The following FREM2 variants were observed in gnomAD, a reference collection of about 807,000 sequenced individuals.
FREM2 encodes FRAS1 related extracellular matrix 2.
Under a neutral mutation model 219.9 loss-of-function variants are expected in FREM2, and 119 were observed. The observed-to-expected ratio is 0.54, with a 90% CI of 0.47 to 0.63. The LOEUF is 0.63. Among genes scored for constraint, FREM2 ranks in the 30% least tolerant of loss-of-function variants. The pLI is 0.00. For synonymous variants in FREM2, 1,562 were observed against 1,522.8 expected (o/e 1.03, Z -0.60); for missense variants, 4,030 against 3,993.6 (o/e 1.01, Z -0.25).
At chr13:38,757,755 T>C (rs1006978764) in intron 2 of FREM2, among the ~76,000 whole-genome samples, 2 of 152,088 alleles carry the variant, frequency 1.3e-5, no homozygotes, top group African/African-American at 4.8e-5. Flanking sequence ...CAAGCCCAGC[T>C]AACTTTTGTA....
rs774882411 is a variant in FREM2, at chr13:38,825,767, C to T, written c.6020-20806C>T. On this transcript the variant is annotated intron_variant, in intron 6 of 23. Transcript: ENST00000280481. ...AGGCTCCTCTCTGAGCTACCTTTTA[C>T]CCCCATCACTCACAGGCTCTGCCAT... is the stretch of plus-strand genomic sequence containing the variant. Among the ~76,000 whole-genome samples, 71 of 152,086 alleles carry T rather than the reference C, an allele frequency of 4.7e-4. 1 individual carries two copies. The highest frequency in any genetic ancestry group is 9.3e-4 in the Non-Finnish European group (63 of 67,996).
At chr13:38,876,641 G>A (rs547070393) in intron 20 of FREM2, among the ~76,000 whole-genome samples, 64 of 152,226 alleles carry the variant, frequency 4.2e-4, no homozygotes, top group African/African-American at 1.5e-3. Flanking sequence ...CTTATCTTGT[G>A]TCCTCCTGAA....
intron 1 of FREM2, among the ~76,000 whole-genome samples, chr13:38,695,906 T>A (rs1400474315): frequency 6.6e-6 from 1 of 152,012 alleles, no homozygotes; most frequent in East Asian, 1.9e-4. Context: ...CTGTGGGAAG[T>A]TAAGATAGGA....
intron 4 of FREM2, among the ~76,000 whole-genome samples, chr13:38,774,139 CG>C (rs1485217322): frequency 6.6e-6 from 1 of 151,990 alleles, no homozygotes; most frequent in East Asian, 1.9e-4. Flanking sequence ...ATCACTGTGA[CG>C]TTGTTTTACT....
chr13:38,723,079 A>T (rs1315894605), intron 2 of FREM2, among the ~76,000 whole-genome samples: 6 of 143,682 alleles, frequency 4.2e-5, no homozygotes, highest in Non-Finnish European at 8.8e-5. Flanking sequence ...AAAAACAAAT[A>T]CAAAAATTAG....
intron 3 of FREM2, among the ~76,000 whole-genome samples, chr13:38,765,158 C>A (rs1873386539): frequency 6.6e-6 from 1 of 152,176 alleles, no homozygotes; most frequent in African/African-American, 2.4e-5. Flanking sequence ...AATCTGCCCA[C>A]CTCGGCCTCC....
In FREM2 at chr13:38,885,035, T is replaced by C. The variant is rs1322330075; in HGVS notation, c.*4248T>C. On this transcript the variant is annotated 3_prime_UTR_variant, in exon 24 of 24. Coordinates refer to ENST00000280481, the MANE Select transcript of FREM2 (RefSeq NM_207361.6). Reference sequence around the variant, plus strand: ...TTAATTGTTAAGGAAACATTATATATAGGTTCAAATTATCCCTTAATGTTG... The same window carrying C: ...TTAATTGTTAAGGAAACATTATATACAGGTTCAAATTATCCCTTAATGTTG... 6.6e-6 allele frequency: 1 copy of C among 152,202 alleles called. No homozygotes were observed. Among genetic ancestry groups the C allele is most frequent in the Non-Finnish European group, 1.5e-5 (1 of 68,020 alleles). The allele number at this position is 152,202 out of a possible 1,614,324, so 9.4% of individuals were successfully genotyped here. A position where few individuals can be genotyped will look rare whatever the true frequency, so the allele number is the denominator to read the frequency against.
chr13:38,772,842 G>A (rs903690789), intron 4 of FREM2, among the ~76,000 whole-genome samples: 5 of 151,800 alleles, frequency 3.3e-5, no homozygotes, highest in African/African-American at 7.3e-5. Context: ...GATTACGGGC[G>A]GTTGCCACCA....
intron 16 of FREM2, among the ~76,000 whole-genome samples, chr13:38,866,928 C>T (rs986824184): frequency 1.3e-5 from 2 of 152,288 alleles, no homozygotes; most frequent in East Asian, 3.9e-4. Context: ...GCAAAGCCTG[C>T]CCTCTACTGT....
intron 7 of FREM2, 36 bp downstream of exon 7, chr13:38,846,758 T>G (rs1235641021): frequency 6.2e-7 from 1 of 1,611,634 alleles, no homozygotes; most frequent in Non-Finnish European, 8.5e-7. Flanking sequence ...TTGATTGTTC[T>G]GCAATTTTCA....
At chr13:38,865,731 T>G (rs1369547934) in intron 16 of FREM2, among the ~76,000 whole-genome samples, 1 of 152,176 alleles carries the variant, frequency 6.6e-6, no homozygotes, top group Non-Finnish European at 1.5e-5. Flanking sequence ...TTTAGTAACT[T>G]ACAGGGATTG....
intron 6 of FREM2, among the ~76,000 whole-genome samples, chr13:38,799,304 A>C (rs908802204): frequency 2.0e-5 from 3 of 151,542 alleles, no homozygotes; most frequent in Admixed American, 2.0e-4. Context: ...TTCTAGTTTT[A>C]TTCCATTATG....
chr13:38,822,993 C>CT (rs1253548626), intron 6 of FREM2, among the ~76,000 whole-genome samples: 1 of 152,076 alleles, frequency 6.6e-6, no homozygotes, highest in African/African-American at 2.4e-5. Flanking sequence ...TCTTACCAGA[C>CT]TTAATGTCTT....
chr13:38,816,055 G>T (rs545308316), intron 6 of FREM2, among the ~76,000 whole-genome samples: 1 of 152,116 alleles, frequency 6.6e-6, no homozygotes, highest in African/African-American at 2.4e-5. Context: ...ATCTGAGCAG[G>T]TCAGTAATGA....
In FREM2 at chr13:38,691,440, C is replaced by A. The variant is rs1231443494; in HGVS notation, c.4096C>A (p.Leu1366Met). Residue 1366 changes from leucine (L) to methionine (M), a missense_variant, in exon 1 of 24, where the codon CTG becomes ATG. Leu to Met is a conservative substitution (Grantham distance 15, BLOSUM62 2). Around this residue, in one of 2 missense-constraint regions of FREM2, gnomAD observed 3,102 missense variants for 2,950.7 expected, o/e 1.05. Transcript: ENST00000280481. ...KPTGAFENIT[L>M]GMNFTQDEVD... ...TACTGGTGCCTTTGAAAATATCACA[C>A]TGGGCATGAATTTTACCCAGGATGA... 1 of 1,614,150 alleles carries A rather than the reference C, an allele frequency of 6.2e-7. No homozygotes were observed.
chr13:38,701,513 A>G (rs560708917), intron 2 of FREM2, among the ~76,000 whole-genome samples: 16 of 152,062 alleles, frequency 1.1e-4, no homozygotes, highest in Non-Finnish European at 1.9e-4. Flanking sequence ...TGTTAGGGAG[A>G]AATAAAATAT....
intron 4 of FREM2, among the ~76,000 whole-genome samples, chr13:38,772,962 G>T (rs1043868643): frequency 1.3e-5 from 2 of 152,038 alleles, no homozygotes; most frequent in African/African-American, 4.8e-5. Flanking sequence ...CTTCCAAAGT[G>T]CTGGGATTAC....
Position 38,764,390 on chromosome 13 carries a change from T to G in FREM2, c.5350T>G (p.Ser1784Ala). 6.2e-7 allele frequency: 1 copy of G among 1,602,920 alleles called. No homozygotes were observed. Among genetic ancestry groups the G allele is most frequent in the Non-Finnish European group, 8.5e-7 (1 of 1,170,400 alleles). Residue 1784 changes from serine to alanine, a missense_variant, in exon 3 of 24, where the codon TCC becomes GCC. Ser to Ala is a moderately conservative substitution (Grantham distance 99, BLOSUM62 1). This residue lies in a region of FREM2 where 3,102 missense variants were observed against 2,950.7 expected (regional missense o/e 1.05). Coordinates refer to ENST00000280481, the MANE Select transcript of FREM2 (RefSeq NM_207361.6). ...EKEYYLVNEDSKFLDVVLKRR... is the reference protein window; with the variant it reads ...EKEYYLVNEDAKFLDVVLKRR... ...GGAATATTACCTGGTCAATGAGGACTCCAAATTTCTAGATGTTGTTCTTAA... is the reference window on the plus strand; with the variant it reads ...GGAATATTACCTGGTCAATGAGGACGCCAAATTTCTAGATGTTGTTCTTAA...
chr13:38,808,410 C>A (rs1875337005), intron 6 of FREM2, among the ~76,000 whole-genome samples: 1 of 151,920 alleles, frequency 6.6e-6, no homozygotes, highest in Non-Finnish European at 1.5e-5. Flanking sequence ...CTGTTGGGCA[C>A]AAGAGGCTGG....
Sources: gnomAD v4.1 joint callset for allele counts (sites outside exome capture counted in the v4.1 genomes callset) on GRCh38, gnomAD v4.1.1 for gene constraint, gnomAD v4.1.1 regional missense constraint, MANE v1.5 for transcripts, NCBI Gene and HGNC (gene_info 2026-07-23, HGNC 2026-07-21) for gene names.